Variants in PDLIM3 observed in about 807,000 individuals in gnomAD.
The protein encoded by PDLIM3 is PDZ and LIM domain 3.
In PDLIM3, 36 loss-of-function variants were observed where a neutral mutation model predicts 37.3. That is an observed-to-expected ratio of 0.97 (90% CI 0.74 to 1.28). The LOEUF (loss-of-function observed/expected upper bound fraction) is 1.28, where lower values mean the gene tolerates loss of function less well. Among genes scored for constraint, PDLIM3 ranks in the 50% most tolerant of loss-of-function variants. The pLI, the probability that PDLIM3 is intolerant of heterozygous loss-of-function variation, is 0.00. For synonymous variants in PDLIM3, 174 were observed against 182.4 expected (o/e 0.95, Z 0.37); for missense variants, 454 against 485.0 (o/e 0.94, Z 0.60).
intron 5 of PDLIM3, among the ~76,000 whole-genome samples, chr4:185,507,933 T>C (rs537180750): frequency 6.6e-6 from 1 of 152,220 alleles, no homozygotes; most frequent in Non-Finnish European, 1.5e-5. Context: ...TACTAGATTA[T>C]AAATAACTTT....
In PDLIM3 at chr4:185,514,220, C is replaced by T. The variant is rs202147324; in HGVS notation, c.398+50G>A. On this transcript the variant is annotated intron_variant, in intron 4 of 7. Transcript: ENST00000284767. This position sits in a 1 kb window ranked among gnomAD's most constrained non-coding sequence, Gnocchi z 4.0. ...TACTTTTCTTGATGATTAGTAAGAA[C>T]TGATTTAAGAAGCATGCACTGCAAA... 8.1e-6 allele frequency: 13 copies of T among 1,614,108 alleles called. No homozygotes were observed. The East Asian group carries it at 2.9e-4, about 36-fold the overall frequency.
chr4:185,512,974 T>C, intron 4 of PDLIM3: 1 of 985,432 alleles, frequency 1.0e-6, no homozygotes. Flanking sequence ...GGCTCTGGAC[T>C]CTTCTTGCCA....
Position 185,525,032 on chromosome 4 carries a change from A to G in PDLIM3, c.233T>C (p.Leu78Pro). 6.2e-7 allele frequency: 1 copy of G among 1,614,140 alleles called. No individual in the cohort carries two copies. The highest frequency in any genetic ancestry group is 8.5e-7 in the Non-Finnish European group (1 of 1,179,962). ...RIKAAAHQLC[L>P]KIDRGETHLW... ...AGTTAAGAAGCACCTGTCAATTTTG[A>G]GACACAGCTGGTGAGCTGCTGCTTT... The change falls in exon 2 of 8, where the codon CTC becomes CCC. Residue 78 changes from leucine to proline, a missense_variant. Leu to Pro is a moderately conservative substitution (Grantham distance 98). Transcript: ENST00000284767.
intron 3 of PDLIM3, 53 bp downstream of exon 3, chr4:185,523,308 TC>T (rs1217852514): frequency 8.0e-7 from 1 of 1,243,492 alleles, no homozygotes; most frequent in African/African-American, 1.5e-5. Flanking sequence ...TTGGAAGGCA[TC>T]CCCATGATTT....
Position 185,529,953 on chromosome 4 carries a change from G to A in PDLIM3, c.94-4782C>T, listed in dbSNP as rs186932350. Among the ~76,000 whole-genome samples the A allele has an allele frequency of 5.0e-3, 757 of 152,166 alleles. 8 individuals are homozygous for A. Among genetic ancestry groups the A allele is most frequent in the African/African-American group, 0.017 (720 of 41,510 alleles). ...GTAATCTTTCCTTCAACACCTCCTA[G>A]CTCTTTGACCATACTTTTCTTGTGG... is the stretch of plus-strand genomic sequence containing the variant. On this transcript the variant is annotated intron_variant, in intron 1 of 7. Transcript: ENST00000284767.
At position 185,535,491 on chromosome 4, in the gene PDLIM3, G is replaced by A. The variant is rs1306874902; in HGVS notation, c.-57C>T. ...TGTCCCCGCGCAGGGCAGCCACTCC[G>A]CGCCGGGCGGCGTCCTGGCCCCGAC... On this transcript the variant is annotated 5_prime_UTR_variant, in exon 1 of 8. Coordinates refer to ENST00000284767, the MANE Select transcript of PDLIM3 (RefSeq NM_014476.6). The A allele has an allele frequency of 2.8e-6, 4 of 1,447,418 alleles. No homozygotes were observed. Among genetic ancestry groups the A allele is most frequent in the Admixed American group, 4.1e-5 (2 of 48,510 alleles). The allele number at this position is 1,447,418 out of a possible 1,614,324, so 89.7% of individuals were successfully genotyped here. A position where few individuals can be genotyped will look rare whatever the true frequency, so the allele number is the denominator to read the frequency against.
At chr4:185,517,392 T>C (rs1165269615) in intron 3 of PDLIM3, 1 of 140,240 alleles carries the variant, frequency 7.1e-6, no homozygotes, top group Non-Finnish European at 1.5e-5. Flanking sequence ...AAGTAAGGCC[T>C]GCCTTAAAGT....
chr4:185,510,446 C>A (rs1431753271), intron 4 of PDLIM3, among the ~76,000 whole-genome samples: 1 of 152,142 alleles, frequency 6.6e-6, no homozygotes, highest in Non-Finnish European at 1.5e-5. Context: ...ACTTTTGACT[C>A]CTCCAAAACT....
At position 185,511,088 on chromosome 4, in the gene PDLIM3, T is replaced by G. The variant is rs146983714; in HGVS notation, c.399-2526A>C. On this transcript the variant is annotated intron_variant, in intron 4 of 7. Coordinates refer to ENST00000284767, the MANE Select transcript of PDLIM3 (RefSeq NM_014476.6). The stretch of plus-strand genomic sequence containing the variant: ...TGCCCAGATACGTCATTTGACAGAT[T>G]GCTAATTTCTCTGGGGTGTGTACAG... 2.6e-5 allele frequency among the ~76,000 whole-genome samples: 4 copies of G among 152,342 alleles called. No homozygotes were observed. In the East Asian group the frequency reaches 7.7e-4, roughly 29 times the overall value.
chr4:185,532,379 T>A (rs890771993), intron 1 of PDLIM3, among the ~76,000 whole-genome samples: 9 of 152,192 alleles, frequency 5.9e-5, no homozygotes, highest in Non-Finnish European at 1.2e-4. Flanking sequence ...GAACATCTGG[T>A]ACAGGCATGA....
intron 6 of PDLIM3, among the ~76,000 whole-genome samples, chr4:185,505,874 T>C (rs112956017): frequency 0.019 from 2,957 of 152,286 alleles, 99 homozygotes; most frequent in African/African-American, 0.067. Context: ...ATGGGACATT[T>C]TGCATTTTTG....
chr4:185,526,601 C>T (rs2095734617), intron 1 of PDLIM3, among the ~76,000 whole-genome samples: 1 of 152,194 alleles, frequency 6.6e-6, no homozygotes, highest in African/African-American at 2.4e-5. Flanking sequence ...AGTATACCTA[C>T]TCCCAATTTT....
rs1182231768 is a variant in PDLIM3 at position 185,501,451 on chromosome 4, G to A, written c.*843C>T. ...TTGAGCCTAAGAAACAGCAGTGATG[G>A]ACTTTGAACCTTCAATTTGACTGAA... On this transcript the variant is annotated 3_prime_UTR_variant, in exon 8 of 8. Coordinates refer to ENST00000284767, the MANE Select transcript of PDLIM3 (RefSeq NM_014476.6). 1.3e-5 allele frequency: 2 copies of A among 152,152 alleles called. No individual in the cohort carries two copies. Among genetic ancestry groups the A allele is most frequent in the Admixed American group, 6.5e-5 (1 of 15,278 alleles). 9.4% of individuals were successfully genotyped at this position (152,152 alleles called of 1,614,324 possible).
chr4:185,535,499 C>A lies in PDLIM3; in HGVS notation c.-65G>T, dbSNP rs993211993. 2.3e-5 allele frequency: 32 copies of A among 1,417,350 alleles called. No homozygotes were observed. The Admixed American group carries it at 5.6e-4, about 25-fold the overall frequency. The allele number at this position is 1,417,350 out of a possible 1,614,324, so 87.8% of individuals were successfully genotyped here. A position where few individuals can be genotyped will look rare whatever the true frequency, so the allele number is the denominator to read the frequency against. On this transcript the variant is annotated 5_prime_UTR_variant, in exon 1 of 8. Transcript: ENST00000284767. ...CGCAGGGCAGCCACTCCGCGCCGGG[C>A]GGCGTCCTGGCCCCGACCCGGGCGG... is the stretch of plus-strand genomic sequence containing the variant.
Position 185,521,898 on chromosome 4 carries a change from C to T in PDLIM3, c.330+1464G>A, listed in dbSNP as rs1483986686. On this transcript the variant is annotated intron_variant, in intron 3 of 7. Transcript: ENST00000284767. ...CTGGAGGGACTCAGAGGGAAGACAA[C>T]AGCCTCAAGGTTCCTGCCTTCATGA... Among the ~76,000 whole-genome samples, 5 of 66,120 alleles carry T rather than the reference C, an allele frequency of 7.6e-5. 1 individual carries two copies. Among genetic ancestry groups the T allele is most frequent in the African/African-American group, 1.4e-4 (5 of 36,278 alleles). The allele number at this position is 66,120 out of a possible 152,430, so 43.4% of individuals were successfully genotyped here. A position where few individuals can be genotyped will look rare whatever the true frequency, so the allele number is the denominator to read the frequency against.
chr4:185,507,163 T>A (rs1410808657), intron 5 of PDLIM3: 2 of 153,776 alleles, frequency 1.3e-5, no homozygotes, highest in African/African-American at 2.4e-5. Context: ...TGTTAACCCC[T>A]GGAAATAACA....
At chr4:185,512,900 G>T (rs1277809079) in intron 4 of PDLIM3, 1 of 985,298 alleles carries the variant, frequency 1.0e-6, no homozygotes, top group Non-Finnish European at 1.2e-6. Flanking sequence ...AACAGAGTAT[G>T]AACGAGGGAA....
intron 7 of PDLIM3, among the ~76,000 whole-genome samples, chr4:185,502,957 G>A (rs995418340): frequency 6.6e-6 from 1 of 152,166 alleles, no homozygotes; most frequent in South Asian, 2.1e-4. Flanking sequence ...ACCGGGCGTG[G>A]TGGCTCACGC....
chr4:185,535,314 C>T (rs1237773649), intron 1 of PDLIM3, 28 bp downstream of exon 1: 3 of 1,581,842 alleles, frequency 1.9e-6, no homozygotes, highest in Non-Finnish European at 1.7e-6. Flanking sequence ...CCCCACCTCG[C>T]AGCAAAAGCA....
Sources: allele counts gnomAD v4.1 joint callset (sites outside exome capture counted in the v4.1 genomes callset), GRCh38; gene constraint gnomAD v4.1.1; non-coding constraint Gnocchi (gnomAD v3.1); transcripts MANE v1.5; gene names NCBI Gene and HGNC (gene_info 2026-07-23, HGNC 2026-07-21).